The following CHODL variants were observed in gnomAD, a reference collection of about 807,000 sequenced individuals.
The protein encoded by CHODL is transmembrane protein MT75.
Under a neutral mutation model 34.5 loss-of-function variants are expected in CHODL, and 29 were observed. That is an observed-to-expected ratio of 0.84 (90% CI 0.63 to 1.15). CHODL has a LOEUF of 1.15. Ranked by LOEUF, CHODL falls within the 50% of genes most tolerant of loss-of-function variation. The probability of loss-of-function intolerance (pLI) is 0.00; values close to 1 mark genes in which losing one functional copy is unlikely to be tolerated. For missense variants in CHODL, 332 were observed against 332.5 expected (o/e 1.00, Z 0.01); for synonymous variants, 125 against 116.1 (o/e 1.08, Z -0.49).
chr21:17,996,077 A>AT (rs536411459), intron 1 of CHODL, among the ~76,000 whole-genome samples: 168 of 145,778 alleles, frequency 1.2e-3, no homozygotes, highest in East Asian at 4.2e-3. Context: ...CTCATCATTT[A>AT]TTTTTTTTTT....
intron 1 of CHODL, among the ~76,000 whole-genome samples, chr21:17,996,375 T>C (rs1159464306): frequency 6.6e-6 from 1 of 152,262 alleles, no homozygotes; most frequent in African/African-American, 2.4e-5. Context: ...CTTGTGAACA[T>C]GCTGTATCCT....
Position 18,261,407 on chromosome 21 carries a change from T to C in CHODL, c.634+1121T>C, listed in dbSNP as rs373923316. On this transcript the variant is annotated intron_variant, in intron 4 of 5. Coordinates refer to ENST00000299295, the MANE Select transcript of CHODL (RefSeq NM_024944.3). ...TAGGCTGGGCGCAGTGGCTCACACC[T>C]GTAATCCCAGCACTTTGGGAGGCTG... Among the ~76,000 whole-genome samples, 23 of 151,552 alleles carry C rather than the reference T, an allele frequency of 1.5e-4. No homozygotes were observed. The East Asian group carries it at 3.3e-3, about 22-fold the overall frequency.
At chr21:18,156,399 G>A (rs192548295) in intron 2 of CHODL, among the ~76,000 whole-genome samples, 1 of 152,126 alleles carries the variant, frequency 6.6e-6, no homozygotes, top group African/African-American at 2.4e-5. Context: ...CCAATGTCGT[G>A]AAGTATACAT....
intron 2 of CHODL, among the ~76,000 whole-genome samples, chr21:18,087,194 C>G (rs948102326): frequency 6.6e-6 from 1 of 152,158 alleles, no homozygotes; most frequent in Non-Finnish European, 1.5e-5. Context: ...GGGCCCCACA[C>G]TCAGGTGAGC....
intron 2 of CHODL, among the ~76,000 whole-genome samples, chr21:18,079,090 T>G (rs2064902961): frequency 6.6e-6 from 1 of 152,138 alleles, no homozygotes; most frequent in Non-Finnish European, 1.5e-5. Context: ...ATAGTGAATA[T>G]TGTACCCAAT....
intron 2 of CHODL, among the ~76,000 whole-genome samples, chr21:18,088,752 C>T (rs930745035): frequency 6.6e-6 from 1 of 152,206 alleles, no homozygotes; most frequent in African/African-American, 2.4e-5. Flanking sequence ...TGATTCTTCT[C>T]CATGGAGGAG....
chr21:18,182,828 T>C (rs1486674458), intron 2 of CHODL, among the ~76,000 whole-genome samples: 1 of 152,208 alleles, frequency 6.6e-6, no homozygotes, highest in Non-Finnish European at 1.5e-5. Context: ...TATTCTGTCA[T>C]TCTGTGGAAC....
intron 2 of CHODL, among the ~76,000 whole-genome samples, chr21:18,236,758 A>G (rs559043959): frequency 7.9e-5 from 12 of 152,156 alleles, no homozygotes; most frequent in Non-Finnish European, 1.3e-4. Context: ...CACTTGAACA[A>G]TACATGACAA....
chr21:17,940,666 A>G (rs905341411), intron 1 of CHODL, among the ~76,000 whole-genome samples: 1 of 152,200 alleles, frequency 6.6e-6, no homozygotes, highest in Non-Finnish European at 1.5e-5. Context: ...ATGCACTTAA[A>G]ACGTTTCTTA....
intron 2 of CHODL, among the ~76,000 whole-genome samples, chr21:18,080,566 G>A (rs187988190): frequency 2.9e-4 from 44 of 152,048 alleles, no homozygotes; most frequent in African/African-American, 1.0e-3. Flanking sequence ...CAACTTTCCC[G>A]GCATCATTTA....
At chr21:18,083,050 G>GGTGTTGGGCCTGTGGGTGC (rs2064961208) in intron 2 of CHODL, among the ~76,000 whole-genome samples, 1 of 152,180 alleles carries the variant, frequency 6.6e-6, no homozygotes, top group Admixed American at 6.5e-5. Flanking sequence ...CAGAGATCTT[G>GGTGTTGGGCCTGTGGGTGC]ACAGCAGTCC....
chr21:18,071,679 C>T (rs932213281), intron 2 of CHODL, among the ~76,000 whole-genome samples: 1 of 152,122 alleles, frequency 6.6e-6, no homozygotes, highest in Non-Finnish European at 1.5e-5. Flanking sequence ...AGATGGATTC[C>T]TAGCCAAGTA....
intron 2 of CHODL, among the ~76,000 whole-genome samples, chr21:18,165,994 T>C (rs1039942825): frequency 2.6e-5 from 4 of 152,214 alleles, no homozygotes; most frequent in African/African-American, 9.6e-5. Flanking sequence ...CTGTGGTTTC[T>C]GTAGATCAGA....
intron 2 of CHODL, among the ~76,000 whole-genome samples, chr21:18,163,119 G>A (rs1269715582): frequency 6.6e-6 from 1 of 152,148 alleles, no homozygotes; most frequent in Non-Finnish European, 1.5e-5. Flanking sequence ...TTAACATATA[G>A]TGCTACTATA....
chr21:17,950,695 C>G (rs1568813441), intron 1 of CHODL, among the ~76,000 whole-genome samples: 1 of 152,130 alleles, frequency 6.6e-6, no homozygotes, highest in African/African-American at 2.4e-5. Context: ...AGGAGCAAGT[C>G]TATCATTGGT....
At chr21:18,208,170 TC>T (rs1406812887) in intron 2 of CHODL, among the ~76,000 whole-genome samples, 11 of 109,674 alleles carry the variant, frequency 1.0e-4, no homozygotes, top group African/African-American at 2.5e-4. Context: ...TTCTTCTTCT[TC>T]TTTTTTTTTT....
At chr21:18,174,880 T>G (rs748240864) in intron 2 of CHODL, among the ~76,000 whole-genome samples, 12 of 152,338 alleles carry the variant, frequency 7.9e-5, no homozygotes, top group Non-Finnish European at 1.6e-4. Flanking sequence ...AGCAAATTCT[T>G]AGAGTAAATC....
intron 1 of CHODL, among the ~76,000 whole-genome samples, chr21:17,999,017 T>TGTC (rs2146397353): frequency 6.6e-6 from 1 of 152,344 alleles, no homozygotes; most frequent in Admixed American, 6.5e-5. Flanking sequence ...TCTGAACCTT[T>TGTC]ATGCTGTTTC....
At chr21:18,085,369 G>C (rs2064993592) in intron 2 of CHODL, among the ~76,000 whole-genome samples, 1 of 151,636 alleles carries the variant, frequency 6.6e-6, no homozygotes, top group Admixed American at 6.6e-5. Context: ...TCTTTTTTCT[G>C]TCTTTTTGTC....
Sources: allele counts gnomAD v4.1 joint callset (sites outside exome capture counted in the v4.1 genomes callset), GRCh38; gene constraint gnomAD v4.1.1; transcripts MANE v1.5; gene names NCBI Gene and HGNC (gene_info 2026-07-23, HGNC 2026-07-21).